Variants in ITGA9 observed in about 807,000 individuals in gnomAD.
The protein encoded by ITGA9 is integrin alpha-9.
A neutral mutation model predicts 127.8 loss-of-function variants in ITGA9; 56 were observed. That is an observed-to-expected ratio of 0.44 (90% CI 0.35 to 0.55). ITGA9 has a LOEUF of 0.55. Among genes scored for constraint, ITGA9 ranks in the 20% least tolerant of loss-of-function variants. ITGA9 has a pLI of 0.00. For missense variants in ITGA9, 1,196 were observed against 1,347.1 expected (o/e 0.89, Z 1.76); for synonymous variants, 508 against 514.5 (o/e 0.99, Z 0.17).
At chr3:37,569,356 A>G (rs1439054255) in intron 15 of ITGA9, among the ~76,000 whole-genome samples, 1 of 152,230 alleles carries the variant, frequency 6.6e-6, no homozygotes, top group Non-Finnish European at 1.5e-5. Context: ...TGTGGAAGCT[A>G]CAATTCAAGA....
At chr3:37,500,072 T>C (rs371894503) in intron 5 of ITGA9, among the ~76,000 whole-genome samples, 5 of 152,210 alleles carry the variant, frequency 3.3e-5, no homozygotes, top group African/African-American at 1.2e-4. Context: ...CATTAGGTTC[T>C]TCAGTGCCCT....
chr3:37,686,192 A>T (rs1268542699), intron 18 of ITGA9, among the ~76,000 whole-genome samples: 2 of 151,618 alleles, frequency 1.3e-5, no homozygotes, highest in African/African-American at 4.8e-5. Flanking sequence ...TCTTCACTGC[A>T]TGAGGCACAA....
At chr3:37,488,049 A>G (rs779588012) in intron 4 of ITGA9, among the ~76,000 whole-genome samples, 1 of 152,206 alleles carries the variant, frequency 6.6e-6, no homozygotes, top group Non-Finnish European at 1.5e-5. Flanking sequence ...ATTTGGTTTC[A>G]GTATCTGCAC....
At chr3:37,596,168 ATGTGACATTCTCTTG>A (rs1449333322) in intron 15 of ITGA9, among the ~76,000 whole-genome samples, 1 of 152,252 alleles carries the variant, frequency 6.6e-6, no homozygotes, top group Non-Finnish European at 1.5e-5. Context: ...AGATACTCAC[ATGTGACATTCTCTTG>A]TTGGTTTTCC....
chr3:37,790,205 C>T, intron 26 of ITGA9: 1 of 564,990 alleles, frequency 1.8e-6, no homozygotes. Flanking sequence ...GCAGCTTTTA[C>T]CTGCGCGGAA....
chr3:37,494,913 G>A (rs267521), intron 5 of ITGA9, among the ~76,000 whole-genome samples: 80,315 of 151,946 alleles, frequency 0.53, 22,087 homozygotes, highest in East Asian at 0.8. Flanking sequence ...ATCATTGGCG[G>A]CTGTGCAGAT....
At chr3:37,562,164 G>A (rs1699497655) in intron 15 of ITGA9, among the ~76,000 whole-genome samples, 2 of 152,148 alleles carry the variant, frequency 1.3e-5, no homozygotes, top group African/African-American at 4.8e-5. Context: ...ACTCTGCTGT[G>A]TCCGGCAGCC....
chr3:37,542,675 G>A, intron 15 of ITGA9, 90 bp downstream of exon 15: 1 of 1,378,406 alleles, frequency 7.3e-7, no homozygotes, highest in Non-Finnish European at 1.0e-6. Flanking sequence ...TATGTATTAT[G>A]TGTGCTCTTC....
chr3:37,527,939 C>A (rs1052154673), intron 13 of ITGA9, among the ~76,000 whole-genome samples: 68 of 152,232 alleles, frequency 4.5e-4, no homozygotes, highest in African/African-American at 1.5e-3. Context: ...GTGCACACCA[C>A]CACACCTGGC....
intron 15 of ITGA9, among the ~76,000 whole-genome samples, chr3:37,548,052 G>T (rs1487912468): frequency 1.3e-5 from 2 of 152,188 alleles, no homozygotes; most frequent in Non-Finnish European, 2.9e-5. Flanking sequence ...TCCAACAGCA[G>T]AATGGAGGAA....
intron 15 of ITGA9, among the ~76,000 whole-genome samples, chr3:37,562,015 C>A (rs1373130833): frequency 6.6e-6 from 1 of 152,218 alleles, no homozygotes; most frequent in Non-Finnish European, 1.5e-5. Context: ...GGAAATGCAA[C>A]ACTGGCCATC....
At chr3:37,505,979 G>C (rs776078322) in intron 6 of ITGA9, 21 bp from the exon 7 acceptor site, 2 of 1,567,250 alleles carry the variant, frequency 1.3e-6, no homozygotes, top group Admixed American at 3.5e-5. Context: ...CGTGTGCTTG[G>C]TTTCCGCCCA....
chr3:37,786,024 G>T (rs1697037266), intron 26 of ITGA9, among the ~76,000 whole-genome samples: 1 of 151,552 alleles, frequency 6.6e-6, no homozygotes, highest in Non-Finnish European at 1.5e-5. Context: ...GGGGTTGAGG[G>T]GGGTTGAGGG....
intron 17 of ITGA9, among the ~76,000 whole-genome samples, chr3:37,669,550 A>C (rs1700617312): frequency 6.6e-6 from 1 of 152,128 alleles, no homozygotes; most frequent in African/African-American, 2.4e-5. Context: ...CTGCTCTTAG[A>C]TCTCCTGTCC....
chr3:37,498,434 A>T (rs1698753898), intron 5 of ITGA9, among the ~76,000 whole-genome samples: 1 of 152,110 alleles, frequency 6.6e-6, no homozygotes. Flanking sequence ...TTGCCGCAGC[A>T]GCTGGCAAGT....
chr3:37,785,258 C>T (rs549799172), intron 26 of ITGA9, among the ~76,000 whole-genome samples, 180 bp downstream of exon 26: 39 of 152,142 alleles, frequency 2.6e-4, no homozygotes, highest in African/African-American at 9.2e-4. Flanking sequence ...TTCTGTGGTT[C>T]GTTCTTGTGA....
At chr3:37,606,772 A>G (rs920881650) in intron 15 of ITGA9, among the ~76,000 whole-genome samples, 2 of 152,004 alleles carry the variant, frequency 1.3e-5, no homozygotes, top group East Asian at 1.9e-4. Flanking sequence ...TACTCCGAGC[A>G]TGGGCTTTCT....
chr3:37,544,361 A>T (rs575060612), intron 15 of ITGA9, among the ~76,000 whole-genome samples: 2 of 152,342 alleles, frequency 1.3e-5, no homozygotes, highest in East Asian at 3.9e-4. Flanking sequence ...AAATAAAACT[A>T]TAGAACTCCT....
chr3:37,492,111 A>G (rs1296615600), intron 4 of ITGA9, among the ~76,000 whole-genome samples: 1 of 152,204 alleles, frequency 6.6e-6, no homozygotes, highest in African/African-American at 2.4e-5. Context: ...TTAGAACTGG[A>G]TTCTACTCTA....
Sources: gnomAD v4.1 joint callset for allele counts (sites outside exome capture counted in the v4.1 genomes callset) on GRCh38, gnomAD v4.1.1 for gene constraint, MANE v1.5 for transcripts, NCBI Gene and HGNC (gene_info 2026-07-23, HGNC 2026-07-21) for gene names.